IL1R1: variants seen among roughly 807,000 people sequenced by gnomAD.
IL1R1 encodes interleukin 1 receptor type 1.
IL1R1 carries 22 observed loss-of-function variants against 50.2 expected under a neutral mutation model. That is an observed-to-expected ratio of 0.44 (90% CI 0.31 to 0.63). The LOEUF (loss-of-function observed/expected upper bound fraction) is 0.63. Among genes scored for constraint, IL1R1 ranks in the 20% least tolerant of loss-of-function variants. The pLI is 0.07. For synonymous variants in IL1R1, 251 were observed against 236.7 expected (o/e 1.06, Z -0.55); for missense variants, 509 against 676.2 (o/e 0.75, Z 2.74).
chr2:102,148,331 C>A (rs1216312874), intron 1 of IL1R1, among the ~76,000 whole-genome samples: 1 of 152,124 alleles, frequency 6.6e-6, no homozygotes, highest in Non-Finnish European at 1.5e-5. Context: ...TCTAATTTGC[C>A]CCACAGGTAT....
At chr2:102,078,961 A>G (rs1311206965) in intron 1 of IL1R1, among the ~76,000 whole-genome samples, 2 of 152,184 alleles carry the variant, frequency 1.3e-5, no homozygotes, top group Non-Finnish European at 2.9e-5. Context: ...ATGTAATGCA[A>G]CATATTAATA....
chr2:102,107,826 A>G (rs1680507107), intron 1 of IL1R1, among the ~76,000 whole-genome samples: 1 of 152,152 alleles, frequency 6.6e-6, no homozygotes, highest in Admixed American at 6.5e-5. Context: ...ACTTCTGCCA[A>G]CCTAATTTCT....
chr2:102,166,603 T>A (rs1685202016), intron 6 of IL1R1, among the ~76,000 whole-genome samples: 1 of 152,188 alleles, frequency 6.6e-6, no homozygotes, highest in Non-Finnish European at 1.5e-5. Flanking sequence ...TATATGGGAA[T>A]GTTCTGAGAG....
chr2:102,099,582 G>A (rs139884905), upstream of IL1R1, among the ~76,000 whole-genome samples: 20 of 152,190 alleles, frequency 1.3e-4, no homozygotes, highest in African/African-American at 4.3e-4. Context: ...GTCTTCTTCG[G>A]CCATGAACAG....
intron 1 of IL1R1, 103 bp downstream of exon 1, chr2:102,143,123 C>T (rs1211869362): frequency 3.3e-5 from 5 of 152,554 alleles, no homozygotes; most frequent in Admixed American, 6.5e-5. Context: ...GAGCGTCCTC[C>T]CTAAGTTGCA....
In IL1R1 at chr2:102,117,961, G is replaced by GTA. The variant is rs60856322; in HGVS notation, c.-84+13100_-84+13101dup. ...TTTTCTAAATATATATATAGGAAAT[G>GTA]TATATATATATACACATATAATATA... On this transcript the variant is annotated intron_variant, in intron 1 of 10. Coordinates refer to the IL1R1 transcript ENST00000409329. 1.1e-3 allele frequency among the ~76,000 whole-genome samples: 165 copies of GTA among 149,342 alleles called. 1 individual carries two copies. Among genetic ancestry groups the GTA allele is most frequent in the Middle Eastern group, 3.5e-3 (1 of 282 alleles).
chr2:102,144,892 G>C (rs1410257841), intron 1 of IL1R1, among the ~76,000 whole-genome samples: 2 of 152,116 alleles, frequency 1.3e-5, no homozygotes, highest in Non-Finnish European at 2.9e-5. Context: ...CAGTTCCTAG[G>C]ATGTGGAGCT....
At chr2:102,164,007 G>A (rs1223399522) in intron 3 of IL1R1, among the ~76,000 whole-genome samples, 1 of 152,094 alleles carries the variant, frequency 6.6e-6, no homozygotes, top group African/African-American at 2.4e-5. Flanking sequence ...CATTAATGAG[G>A]CTTTCCACCC....
Position 102,142,773 on chromosome 2 carries a change from CT to C in IL1R1, c.-329del, listed in dbSNP as rs937446843. On this transcript the variant is annotated 5_prime_UTR_variant, in exon 1 of 12. Transcript: ENST00000410023. ...TTCCCGGCCGCGAGGGCGGGCGCAGCTTGTGGCCGGCGGCCGGAGCCGACTC... is the reference window on the plus strand; with the variant it reads ...TTCCCGGCCGCGAGGGCGGGCGCAGCTGTGGCCGGCGGCCGGAGCCGACTC... 16 of 149,064 alleles carry C rather than the reference CT, an allele frequency of 1.1e-4. No individual in the cohort carries two copies. The highest frequency in any genetic ancestry group is 2.0e-4 in the Admixed American group (3 of 14,976). The allele number at this position is 149,064 out of a possible 1,614,324, so 9.2% of individuals were successfully genotyped here.
At chr2:102,144,067 C>T (rs550326770) in intron 1 of IL1R1, among the ~76,000 whole-genome samples, 1 of 152,318 alleles carries the variant, frequency 6.6e-6, no homozygotes, top group Non-Finnish European at 1.5e-5. Flanking sequence ...GGCATGGGGA[C>T]GTTCACTGTC....
At chr2:102,076,428 C>T (rs961953182) in intron 1 of IL1R1, among the ~76,000 whole-genome samples, 1 of 152,166 alleles carries the variant, frequency 6.6e-6, no homozygotes, top group Non-Finnish European at 1.5e-5. Context: ...CCACCCACCT[C>T]ATGTTTCCAT....
chr2:102,158,249 T>C (rs1399002754), intron 3 of IL1R1, among the ~76,000 whole-genome samples: 1 of 152,210 alleles, frequency 6.6e-6, no homozygotes, highest in Admixed American at 6.5e-5. Flanking sequence ...TTTTGCCAGG[T>C]GCTAGCTACT....
intron 1 of IL1R1, among the ~76,000 whole-genome samples, chr2:102,113,166 ATAAC>A (rs1680871827): frequency 6.6e-6 from 1 of 152,258 alleles, no homozygotes; most frequent in Non-Finnish European, 1.5e-5. Flanking sequence ...TGACAATGGT[ATAAC>A]TATCTTTAAA....
At position 102,176,516 on chromosome 2, in the gene IL1R1, G is replaced by A. The variant is rs1383698266; in HGVS notation, c.1467G>A (p.Glu489=). Residue 489 remains glutamate (E), a synonymous_variant, in exon 12 of 12, where the codon GAG becomes GAA. Coordinates refer to ENST00000410023, the MANE Select transcript of IL1R1 (RefSeq NM_000877.4). ...ATGGAATTAAAGTTGTCCTGCTTGAGCTGGAGAAAATCCAAGACTATGAGA... is the reference window on the plus strand; with the variant it reads ...ATGGAATTAAAGTTGTCCTGCTTGAACTGGAGAAAATCCAAGACTATGAGA... ...VQDGIKVVLL[E]LEKIQDYEKM... The A allele has an allele frequency of 3.1e-6, 5 of 1,614,068 alleles. No homozygotes were observed. The highest frequency in any genetic ancestry group is 4.2e-6 in the Non-Finnish European group (5 of 1,180,044).
chr2:102,121,670 G>A (rs1368691247), intron 1 of IL1R1, among the ~76,000 whole-genome samples: 1 of 152,102 alleles, frequency 6.6e-6, no homozygotes, highest in African/African-American at 2.4e-5. Context: ...GCCCAGTTTG[G>A]GGAGTTCAAA....
Position 102,142,781 on chromosome 2 carries a change from C to A in IL1R1, c.-323C>A, listed in dbSNP as rs1265181509. 6.7e-6 allele frequency: 1 copy of A among 148,512 alleles called. No homozygotes were observed. Among genetic ancestry groups the A allele is most frequent in the Non-Finnish European group, 1.5e-5 (1 of 66,842 alleles). The allele number at this position is 148,512 out of a possible 1,614,324, so 9.2% of individuals were successfully genotyped here. ...CGCGAGGGCGGGCGCAGCTTGTGGC[C>A]GGCGGCCGGAGCCGACTCGGAGCGC... On this transcript the variant is annotated 5_prime_UTR_variant, in exon 1 of 12. Coordinates refer to ENST00000410023, the MANE Select transcript of IL1R1 (RefSeq NM_000877.4).
chr2:102,078,168 A>G (rs1388338563), intron 1 of IL1R1, among the ~76,000 whole-genome samples: 1 of 152,104 alleles, frequency 6.6e-6, no homozygotes, highest in African/African-American at 2.4e-5. Context: ...AAAAGAAGAG[A>G]ATACTAAATG....
rs149497433 is a variant in IL1R1, at chr2:102,146,210, T to A, written c.-84+3190T>A. 3.4e-3 allele frequency among the ~76,000 whole-genome samples: 523 copies of A among 152,100 alleles called. 3 individuals carry two copies. Among genetic ancestry groups the A allele is most frequent in the African/African-American group, 0.012 (509 of 41,500 alleles). ...CATAGATCCCTGAAAATACAGCCAATGACTAATGACTAAGAGTTAAATGAA... is the reference window on the plus strand; with the variant it reads ...CATAGATCCCTGAAAATACAGCCAAAGACTAATGACTAAGAGTTAAATGAA... On this transcript the variant is annotated intron_variant, in intron 1 of 11. Coordinates refer to ENST00000410023, the MANE Select transcript of IL1R1 (RefSeq NM_000877.4).
At chr2:102,138,590 T>C (rs1284055847), upstream of IL1R1, among the ~76,000 whole-genome samples, 2 of 152,098 alleles carry the variant, frequency 1.3e-5, no homozygotes, top group Non-Finnish European at 2.9e-5. Context: ...CCACCACCAA[T>C]TGCCTAGGGA....
Sources: gnomAD v4.1 joint callset for allele counts (sites outside exome capture counted in the v4.1 genomes callset) on GRCh38, gnomAD v4.1.1 for gene constraint, MANE v1.5 for transcripts, NCBI Gene and HGNC (gene_info 2026-07-23, HGNC 2026-07-21) for gene names.